LMO2: variants seen among roughly 807,000 people sequenced by gnomAD.
The protein encoded by LMO2 is rhombotin-2.
In LMO2, 20 loss-of-function variants were observed where a neutral mutation model predicts 23.2. The observed-to-expected ratio is 0.86, with a 90% CI of 0.61 to 1.25. The LOEUF is 1.25. LMO2 is among the 50% of genes most tolerant of loss of function. LMO2 has a pLI of 0.00. For synonymous variants in LMO2, 123 were observed against 130.2 expected, an observed-to-expected ratio of 0.94 and a Z score of 0.38; for missense variants, 270 against 315.3, an observed-to-expected ratio of 0.86 and a Z score of 1.09.
At position 33,872,299 on chromosome 11, in the gene LMO2, T is replaced by C. The variant is rs7950194; in HGVS notation, c.-271-2312A>G. Among the ~76,000 whole-genome samples the C allele has an allele frequency of 5.7e-3, 867 of 151,968 alleles. 4 individuals carry two copies. The highest frequency in any genetic ancestry group is 0.019 in the African/African-American group (800 of 41,436). On this transcript the variant is annotated intron_variant, in intron 2 of 5. Transcript: ENST00000257818. ...GAGTGAGACTCCGTCTCAAAATAAA[T>C]AAACAAACAAACAAATAAACTCCCA... is the stretch of plus-strand genomic sequence containing the variant.
In LMO2 at chr11:33,891,620, G is replaced by A. The variant is rs1029194762; in HGVS notation, c.-336+175C>T. On this transcript the variant is annotated intron_variant, in intron 1 of 5. Coordinates refer to ENST00000257818, the MANE Select transcript of LMO2 (RefSeq NM_005574.4). The stretch of plus-strand genomic sequence containing the variant: ...ATGAATAGATGCTCTTCCTCCCTCC[G>A]AAAGAGAAGCCAGAGTGCCCGGAAC... 5.9e-5 allele frequency among the ~76,000 whole-genome samples: 9 copies of A among 152,236 alleles called. No homozygotes were observed. The South Asian group carries it at 1.0e-3, about 18-fold the overall frequency.
At position 33,864,904 on chromosome 11, in the gene LMO2, A is replaced by T. The variant is rs1439678934; in HGVS notation, c.249-87T>A. 9 of 1,188,172 alleles carry T rather than the reference A, an allele frequency of 7.6e-6. No homozygotes were observed. Among genetic ancestry groups the T allele is most frequent in the Non-Finnish European group, 1.1e-5 (9 of 807,724 alleles). 73.6% of individuals were successfully genotyped at this position (1,188,172 alleles called of 1,614,324 possible). Reference sequence around the variant, plus strand: ...GAGATCGTTTTGGGCCAGACAGGGCATCTCACCTGACTGCCTTTCAGTGAC... The same window carrying T: ...GAGATCGTTTTGGGCCAGACAGGGCTTCTCACCTGACTGCCTTTCAGTGAC... On this transcript the variant is annotated intron_variant, in intron 4 of 5. Coordinates refer to ENST00000257818, the MANE Select transcript of LMO2 (RefSeq NM_005574.4). This position sits in a 1 kb window ranked among gnomAD's most constrained non-coding sequence, Gnocchi z 4.8.
intron 5 of LMO2, among the ~76,000 whole-genome samples, chr11:33,860,585 G>GA (rs1856533908): frequency 6.6e-6 from 1 of 152,120 alleles, no homozygotes; most frequent in East Asian, 1.9e-4. Context: ...GCAACATGGT[G>GA]AAACTGTGTC....
intron 2 of LMO2, among the ~76,000 whole-genome samples, chr11:33,874,985 G>A (rs961133053): frequency 1.3e-5 from 2 of 152,268 alleles, no homozygotes. Context: ...AGGGGCCTGA[G>A]AAGTGGGATT....
At chr11:33,884,615 G>A (rs978249483) in intron 1 of LMO2, among the ~76,000 whole-genome samples, 8 of 152,208 alleles carry the variant, frequency 5.3e-5, no homozygotes, top group African/African-American at 1.9e-4. Flanking sequence ...AAGTCTACTT[G>A]TGGGCAGGAG....
chr11:33,879,520 C>A (rs1011809979), intron 2 of LMO2, among the ~76,000 whole-genome samples: 1 of 151,142 alleles, frequency 6.6e-6, no homozygotes, highest in African/African-American at 2.4e-5. Context: ...CGCAGTTACT[C>A]AGGAGCCTGA....
intron 2 of LMO2, chr11:33,881,375 A>G (rs1444049894): frequency 8.8e-6 from 4 of 456,614 alleles, no homozygotes; most frequent in Non-Finnish European, 1.8e-5. Flanking sequence ...AAAATGAACC[A>G]AATCTTGAAG....
In LMO2 at chr11:33,869,856, G is replaced by C. The variant is rs1385532343; in HGVS notation, c.-140C>G. The stretch of plus-strand genomic sequence containing the variant: ...CCCGGGTCGCGGCGCGCTGCTCGCC[G>C]CCGAGGGCAGAGAGGGGGCGGCGGC... On this transcript the variant is annotated 5_prime_UTR_variant, in exon 3 of 6. Transcript: ENST00000257818. 34 of 1,057,556 alleles carry C rather than the reference G, an allele frequency of 3.2e-5. No homozygotes were observed. Among genetic ancestry groups the C allele is most frequent in the Non-Finnish European group, 3.8e-5 (33 of 877,476 alleles). The allele number at this position is 1,057,556 out of a possible 1,614,324, so 65.5% of individuals were successfully genotyped here.
chr11:33,859,901 G>T (rs937781622), intron 5 of LMO2, among the ~76,000 whole-genome samples: 3 of 152,264 alleles, frequency 2.0e-5, no homozygotes, highest in African/African-American at 7.2e-5. Flanking sequence ...ATCATAAGGA[G>T]TTAGGCAAGT....
At chr11:33,866,151 G>C (rs1856775062) in intron 4 of LMO2, among the ~76,000 whole-genome samples, 1 of 152,202 alleles carries the variant, frequency 6.6e-6, no homozygotes, top group South Asian at 2.1e-4. Flanking sequence ...GGGACAGGAG[G>C]CTAGGTGGCT....
At chr11:33,884,731 G>A (rs1005232302) in intron 1 of LMO2, among the ~76,000 whole-genome samples, 2 of 152,126 alleles carry the variant, frequency 1.3e-5, no homozygotes, top group Non-Finnish European at 2.9e-5. Context: ...ACATCCATTG[G>A]GCTATTTGGA....
intron 4 of LMO2, among the ~76,000 whole-genome samples, chr11:33,867,507 T>C (rs1386451081): frequency 6.6e-6 from 1 of 152,228 alleles, no homozygotes; most frequent in Non-Finnish European, 1.5e-5. Context: ...AAATTAATAT[T>C]TTATATTCTC....
chr11:33,875,604 G>A (rs992153252), intron 2 of LMO2, among the ~76,000 whole-genome samples: 1 of 148,338 alleles, frequency 6.7e-6, no homozygotes, highest in Non-Finnish European at 1.5e-5. Context: ...AAAAGTTTGA[G>A]CACCCATTGA....
In LMO2 at chr11:33,880,153, A is replaced by C. The variant is rs933063102; in HGVS notation, c.-272+1671T>G. Among the ~76,000 whole-genome samples the C allele has an allele frequency of 2.8e-4, 12 of 43,550 alleles. No homozygotes were observed. The highest frequency in any genetic ancestry group is 1.1e-3 in the African/African-American group (12 of 11,072). 28.6% of individuals were successfully genotyped at this position (43,550 alleles called of 152,430 possible). On this transcript the variant is annotated intron_variant, in intron 2 of 5. Coordinates refer to ENST00000257818, the MANE Select transcript of LMO2 (RefSeq NM_005574.4). This position sits in a 1 kb window ranked among gnomAD's most constrained non-coding sequence, Gnocchi z 4.3. ...TATACGCATACTATTTTATGTGTAC[A>C]TATATATACATATGATATATACACA...
At chr11:33,876,650 G>A (rs1322045852) in intron 2 of LMO2, among the ~76,000 whole-genome samples, 1 of 152,134 alleles carries the variant, frequency 6.6e-6, no homozygotes, top group Non-Finnish European at 1.5e-5. Context: ...GTGGTGTCTG[G>A]AATTAACAAG....
rs1222003030 is a variant in LMO2, at chr11:33,864,812, G to A, written c.254C>T (p.Pro85Leu). The change falls in exon 5 of 6, where the codon CCA (proline) becomes CTA (leucine). Residue 85 changes from proline to leucine, a missense_variant. Physicochemically the swap from Pro to Leu is moderately conservative, Grantham distance 98. Transcript: ENST00000257818. This position sits in a 1 kb window ranked among gnomAD's most constrained non-coding sequence, Gnocchi z 4.8. ...GGGGATCTGCAGCACCTCATCCACT[G>A]GTTCCCTGGAGAGAAGGCCAAGCAT... ...ERKSLDPSEE[P>L]VDEVLQIPPS... 6.2e-7 allele frequency: 1 copy of A among 1,613,412 alleles called. No homozygotes were observed. The highest frequency in any genetic ancestry group is 1.1e-5 in the South Asian group (1 of 91,076).
chr11:33,888,231 G>A (rs1387956196), intron 1 of LMO2, among the ~76,000 whole-genome samples: 2 of 152,196 alleles, frequency 1.3e-5, no homozygotes, highest in Admixed American at 6.5e-5. Flanking sequence ...CTCACACTGA[G>A]GTCATTTGTG....
intron 1 of LMO2, among the ~76,000 whole-genome samples, chr11:33,887,356 G>A (rs567534725): frequency 8.0e-5 from 12 of 149,836 alleles, no homozygotes; most frequent in African/African-American, 2.5e-4. Context: ...ACTCATTACC[G>A]TCAATTTTCC....
chr11:33,881,148 T>C (rs1565035251), intron 2 of LMO2: 2 of 456,772 alleles, frequency 4.4e-6, no homozygotes, highest in Non-Finnish European at 8.8e-6. Context: ...CAGAGCATCT[T>C]TAATGCCTGC....
Sources: allele counts gnomAD v4.1 joint callset (sites outside exome capture counted in the v4.1 genomes callset), GRCh38; gene constraint gnomAD v4.1.1; non-coding constraint Gnocchi (gnomAD v3.1); transcripts MANE v1.5; gene names NCBI Gene and HGNC (gene_info 2026-07-23, HGNC 2026-07-21).